The following EMSY variants were observed in gnomAD, a reference collection of about 807,000 sequenced individuals.
EMSY encodes the protein BRCA2-interacting transcriptional repressor EMSY.
Under a neutral mutation model 134.6 loss-of-function variants are expected in EMSY, and 26 were observed. That is an observed-to-expected ratio of 0.19 (90% confidence interval 0.14 to 0.27). The LOEUF (loss-of-function observed/expected upper bound fraction) is 0.27. Ranked by LOEUF, EMSY falls within the 10% of genes least tolerant of loss-of-function variation. The probability of loss-of-function intolerance (pLI) is 1.00; values close to 1 mark genes in which losing one functional copy is unlikely to be tolerated. For missense variants in EMSY, 1,305 were observed against 1,611.4 expected (o/e 0.81, Z 3.26); for synonymous variants, 579 against 577.8 (o/e 1.00, Z -0.03).
At chr11:76,533,249 T>A (rs892370301) in intron 14 of EMSY, among the ~76,000 whole-genome samples, 5 of 152,072 alleles carry the variant, frequency 3.3e-5, no homozygotes, top group African/African-American at 1.2e-4. Flanking sequence ...GGATTTATCA[T>A]GAAGAAGAGA....
chr11:76,531,649 C>T (rs1304833776), intron 14 of EMSY, among the ~76,000 whole-genome samples: 1 of 152,004 alleles, frequency 6.6e-6, no homozygotes. Flanking sequence ...AACATGTTTC[C>T]CTTTCAGATT....
In EMSY at chr11:76,471,737, A is replaced by G. The variant is rs1226844243; in HGVS notation, c.832-827A>G. ...TTTTTCATCACATCATATAAAGGGT[A>G]TATACTGTCAACATGCTCTTACATG... On this transcript the variant is annotated intron_variant, in intron 7 of 20. Transcript: ENST00000334736. Among the ~76,000 whole-genome samples, 4 of 152,196 alleles carry G rather than the reference A, an allele frequency of 2.6e-5. No homozygotes were observed. The East Asian group carries it at 7.7e-4, about 29-fold the overall frequency.
chr11:76,494,898 G>T (rs1949589415), intron 8 of EMSY, among the ~76,000 whole-genome samples: 1 of 152,090 alleles, frequency 6.6e-6, no homozygotes, highest in African/African-American at 2.4e-5. Flanking sequence ...ACCGTGCCCG[G>T]CTAATTTTTG....
intron 8 of EMSY, among the ~76,000 whole-genome samples, chr11:76,491,140 C>T (rs1405128659): frequency 6.6e-6 from 1 of 151,068 alleles, no homozygotes; most frequent in African/African-American, 2.4e-5. Context: ...CATCTGCATA[C>T]TCTTACCTCA....
intron 9 of EMSY, among the ~76,000 whole-genome samples, chr11:76,511,644 G>C (rs1041850062): frequency 6.6e-6 from 1 of 152,138 alleles, no homozygotes; most frequent in Non-Finnish European, 1.5e-5. Context: ...AGGTTGCAGT[G>C]AGCTGAGATT....
chr11:76,451,702 A>G (rs1422288617), intron 2 of EMSY, among the ~76,000 whole-genome samples, 156 bp from the exon 3 acceptor site: 1 of 152,224 alleles, frequency 6.6e-6, no homozygotes, highest in African/African-American at 2.4e-5. Flanking sequence ...TATAAAAGTC[A>G]CATTTTAATG....
intron 1 of EMSY, 21 bp from the exon 2 acceptor site, chr11:76,446,879 T>A (rs774181297): frequency 2.9e-4 from 187 of 649,512 alleles, no homozygotes; most frequent in Non-Finnish European, 3.6e-4. Flanking sequence ...GTAATTTGAC[T>A]TTTTTTTTTT....
At chr11:76,485,891 C>T (rs2135574371) in intron 8 of EMSY, among the ~76,000 whole-genome samples, 1 of 152,154 alleles carries the variant, frequency 6.6e-6, no homozygotes, top group East Asian at 1.9e-4. Flanking sequence ...CCCAGCAATC[C>T]CATTACTGGG....
In EMSY at chr11:76,522,352, C is replaced by CTTTTTTTTTTTTTTTTT. The variant is rs71040003; in HGVS notation, c.1685-789_1685-773dup. ...CTTGTTTTGTATATCGTTTACTTTG[C>CTTTTTTTTTTTTTTTTT]TTTTTTTTTTTTTTTTTTTTTTTTT... On this transcript the variant is annotated intron_variant, in intron 11 of 20. Transcript: ENST00000334736. Among the ~76,000 whole-genome samples, 8 of 44,248 alleles carry CTTTTTTTTTTTTTTTTT rather than the reference C, an allele frequency of 1.8e-4. 1 individual carries two copies. The highest frequency in any genetic ancestry group is 1.5e-4 in the Non-Finnish European group (4 of 26,568). 29.0% of individuals were successfully genotyped at this position (44,248 alleles called of 152,430 possible).
At chr11:76,521,454 G>C (rs1465234123) in intron 11 of EMSY, among the ~76,000 whole-genome samples, 1 of 152,100 alleles carries the variant, frequency 6.6e-6, no homozygotes, top group Non-Finnish European at 1.5e-5. Flanking sequence ...CTTGTTGAGA[G>C]GTATAGGGAG....
At chr11:76,543,984 G>A (rs911690748) in intron 18 of EMSY, among the ~76,000 whole-genome samples, 2 of 152,164 alleles carry the variant, frequency 1.3e-5, no homozygotes, top group African/African-American at 4.8e-5. Flanking sequence ...TCCGTGTTTG[G>A]TTGTGCTTGC....
At chr11:76,505,016 G>C (rs1950016173) in intron 9 of EMSY, among the ~76,000 whole-genome samples, 1 of 152,126 alleles carries the variant, frequency 6.6e-6, no homozygotes, top group Admixed American at 6.5e-5. Context: ...TGAATGAATG[G>C]GTGCAAGGAG....
chr11:76,453,233 A>G, intron 3 of EMSY, 81 bp from the exon 4 acceptor site: 1 of 1,327,934 alleles, frequency 7.5e-7, no homozygotes. Flanking sequence ...TCCCCCCAAA[A>G]ATGTTGACTT....
At chr11:76,452,011 T>G in intron 3 of EMSY, 54 bp downstream of exon 3, 2 of 1,154,176 alleles carry the variant, frequency 1.7e-6, no homozygotes, top group Non-Finnish European at 2.4e-6. Flanking sequence ...TGGGGGATTT[T>G]ATTACTTATC....
chr11:76,452,447 A>G (rs1045422671), intron 3 of EMSY, among the ~76,000 whole-genome samples: 5 of 152,240 alleles, frequency 3.3e-5, no homozygotes, highest in Admixed American at 1.3e-4. Context: ...TAACATTAAT[A>G]TAGGGATGTT....
At chr11:76,545,869 G>C in exon 20 of EMSY, 1 of 1,614,170 alleles carries the variant, frequency 6.2e-7, no homozygotes, top group Non-Finnish European at 8.5e-7. Context: ...GCCTCCCACA[G>C]TTACAAAGAT....
At chr11:76,529,588 C>T (rs1295746073) in intron 14 of EMSY, among the ~76,000 whole-genome samples, 1 of 151,996 alleles carries the variant, frequency 6.6e-6, no homozygotes, top group Non-Finnish European at 1.5e-5. Context: ...AAAAAATACA[C>T]ATGCAACTCT....
chr11:76,523,222 T>G, exon 12 of EMSY: 1 of 1,613,776 alleles, frequency 6.2e-7, no homozygotes, highest in Non-Finnish European at 8.5e-7. Flanking sequence ...TACAAAAGAC[T>G]ACAGGAAAAG....
chr11:76,469,695 G>A (rs1948497479), intron 7 of EMSY, among the ~76,000 whole-genome samples: 1 of 152,148 alleles, frequency 6.6e-6, no homozygotes, highest in Admixed American at 6.5e-5. Context: ...TTGCAAGGTA[G>A]GTATTATTAT....
Sources: allele counts gnomAD v4.1 joint callset (sites outside exome capture counted in the v4.1 genomes callset), GRCh38; gene constraint gnomAD v4.1.1; transcripts MANE v1.5; gene names NCBI Gene and HGNC (gene_info 2026-07-23, HGNC 2026-07-21).